PTBP2: variants seen among roughly 807,000 people sequenced by gnomAD.
PTBP2 encodes the protein polypyrimidine tract binding protein 2.
Under a neutral mutation model 61.4 loss-of-function variants are expected in PTBP2, and 13 were observed. The ratio of observed to expected loss-of-function variants is 0.21; its 90% CI spans 0.14 to 0.34. The LOEUF is 0.34. Ranked by LOEUF, PTBP2 falls within the 10% of genes least tolerant of loss-of-function variation. PTBP2 has a pLI of 1.00. For missense variants in PTBP2, 405 were observed against 642.6 expected, an observed-to-expected ratio of 0.63 and a Z score of 4.00; for synonymous variants, 215 against 218.5, an observed-to-expected ratio of 0.98 and a Z score of 0.14.
At chr1:96,758,708 AT>A (rs1297072643) in intron 3 of PTBP2, among the ~76,000 whole-genome samples, 1 of 152,098 alleles carries the variant, frequency 6.6e-6, no homozygotes, top group African/African-American at 2.4e-5. Flanking sequence ...CCTACAACAA[AT>A]TTCATACTTA....
At chr1:96,775,378 A>G (rs1657915385) in intron 5 of PTBP2, among the ~76,000 whole-genome samples, 1 of 152,248 alleles carries the variant, frequency 6.6e-6, no homozygotes, top group African/African-American at 2.4e-5. Context: ...CCAAAAAACT[A>G]TAAATCATCC....
rs565101737 is a variant in PTBP2 at position 96,764,494 on chromosome 1, A to G, written c.116-5209A>G. ...CCCTTTAGGTATACATATTTCTGCC[A>G]GTGGTGATTGTTACTCTGTAATAGC... On this transcript the variant is annotated intron_variant, in intron 3 of 13. Coordinates refer to ENST00000674951, the MANE Select transcript of PTBP2 (RefSeq NM_021190.4). 3.9e-5 allele frequency among the ~76,000 whole-genome samples: 6 copies of G among 152,336 alleles called. No individual in the cohort carries two copies. The South Asian group carries it at 1.2e-3, about 32-fold the overall frequency.
intron 8 of PTBP2, among the ~76,000 whole-genome samples, chr1:96,797,744 C>T (rs557883613): frequency 6.6e-6 from 1 of 152,202 alleles, no homozygotes; most frequent in South Asian, 2.1e-4. Context: ...ACTTATATTA[C>T]CCAGTACAAT....
intron 3 of PTBP2, among the ~76,000 whole-genome samples, chr1:96,759,527 C>T (rs540500223): frequency 1.2e-4 from 19 of 152,140 alleles, no homozygotes; most frequent in Non-Finnish European, 2.2e-4. Context: ...AAACTTAAAC[C>T]CTACATCATT....
At chr1:96,744,522 G>A (rs1653486149) in intron 2 of PTBP2, among the ~76,000 whole-genome samples, 1 of 152,136 alleles carries the variant, frequency 6.6e-6, no homozygotes, top group African/African-American at 2.4e-5. Context: ...CACGTCTTAT[G>A]TCTTGATCAG....
chr1:96,765,663 A>T (rs1199263773), intron 3 of PTBP2, among the ~76,000 whole-genome samples: 3 of 152,016 alleles, frequency 2.0e-5, no homozygotes, highest in Admixed American at 2.0e-4. Context: ...GTCAACCAAG[A>T]TCATGCCACT....
intron 8 of PTBP2, among the ~76,000 whole-genome samples, chr1:96,788,555 A>T (rs1659451352): frequency 6.6e-6 from 1 of 152,044 alleles, no homozygotes; most frequent in Non-Finnish European, 1.5e-5. Context: ...CAGCAAACTA[A>T]TATTGGTGGG....
intron 7 of PTBP2, among the ~76,000 whole-genome samples, chr1:96,783,210 C>G (rs771755074): frequency 6.6e-6 from 1 of 151,960 alleles, no homozygotes; most frequent in Non-Finnish European, 1.5e-5. Context: ...CCTCCTTTAA[C>G]CAACTATTTA....
intron 11 of PTBP2, among the ~76,000 whole-genome samples, chr1:96,809,778 A>G (rs1409608343): frequency 1.3e-5 from 2 of 152,164 alleles, no homozygotes; most frequent in Non-Finnish European, 2.9e-5. Flanking sequence ...ATTAAGCGAT[A>G]AAGTACTATA....
Position 96,779,959 on chromosome 1 carries a change from T to G in PTBP2, c.708+2013T>G, listed in dbSNP as rs1451333769. Among the ~76,000 whole-genome samples the G allele has an allele frequency of 2.6e-5, 4 of 152,054 alleles. No homozygotes were observed. The East Asian group carries it at 7.7e-4, about 29-fold the overall frequency. ...CTCTACTTTAAAAATCTCTTCCCAT[T>G]TCTTCAGTCAACAGTTTTTCTGTTT... On this transcript the variant is annotated intron_variant, in intron 7 of 13. Coordinates refer to ENST00000674951, the MANE Select transcript of PTBP2 (RefSeq NM_021190.4).
chr1:96,759,319 A>T (rs563751008), intron 3 of PTBP2, among the ~76,000 whole-genome samples: 1 of 152,180 alleles, frequency 6.6e-6, no homozygotes, highest in African/African-American at 2.4e-5. Context: ...GAAAAAGTAA[A>T]TTTTGCCACA....
intron 3 of PTBP2, among the ~76,000 whole-genome samples, chr1:96,755,392 A>C (rs1023442747): frequency 4.6e-5 from 7 of 152,340 alleles, no homozygotes; most frequent in Non-Finnish European, 5.9e-5. Context: ...TAATATTCAC[A>C]ATACTGCTGA....
chr1:96,757,616 A>G (rs577520892), intron 3 of PTBP2, among the ~76,000 whole-genome samples: 10 of 152,186 alleles, frequency 6.6e-5, no homozygotes, highest in Admixed American at 2.0e-4. Context: ...TTATAAAACT[A>G]TACCCAGTAA....
intron 8 of PTBP2, among the ~76,000 whole-genome samples, chr1:96,791,362 G>T (rs764633601): frequency 6.6e-6 from 1 of 152,104 alleles, no homozygotes; most frequent in Non-Finnish European, 1.5e-5. Context: ...TTTTAAACAA[G>T]ATTCATTGTA....
downstream of PTBP2, chr1:96,816,862 T>A (rs539190966): frequency 6.6e-6 from 1 of 152,298 alleles, no homozygotes; most frequent in East Asian, 1.9e-4. Flanking sequence ...GCTATGCAAT[T>A]AGTTAACTAA....
intron 8 of PTBP2, among the ~76,000 whole-genome samples, chr1:96,803,259 T>C (rs1284757110): frequency 6.6e-6 from 1 of 152,078 alleles, no homozygotes; most frequent in Non-Finnish European, 1.5e-5. Flanking sequence ...ACTTTAAGAA[T>C]AAAAGGGGAT....
chr1:96,791,542 A>T (rs920546321), intron 8 of PTBP2, among the ~76,000 whole-genome samples: 3 of 152,146 alleles, frequency 2.0e-5, no homozygotes, highest in Non-Finnish European at 1.5e-5. Flanking sequence ...AATTATTGTG[A>T]TGTAGGCCAT....
exon 14 of PTBP2, chr1:96,822,073 A>G (rs1662700641): frequency 6.6e-6 from 1 of 152,206 alleles, no homozygotes; most frequent in Non-Finnish European, 1.5e-5. Flanking sequence ...AAATTAGAAA[A>G]ACCACAATTA....
intron 3 of PTBP2, among the ~76,000 whole-genome samples, chr1:96,764,790 T>TA (rs1364975684): frequency 6.6e-6 from 1 of 152,228 alleles, no homozygotes; most frequent in Non-Finnish European, 1.5e-5. Context: ...TTCATAGTGT[T>TA]ACTATTTATG....
Sources: allele counts gnomAD v4.1 joint callset (sites outside exome capture counted in the v4.1 genomes callset), GRCh38; gene constraint gnomAD v4.1.1; transcripts MANE v1.5; gene names NCBI Gene and HGNC (gene_info 2026-07-23, HGNC 2026-07-21).